GPC5: variants seen among roughly 807,000 people sequenced by gnomAD.
GPC5 encodes the protein glypican-5.
A neutral mutation model predicts 53.9 loss-of-function variants in GPC5; 47 were observed. That is an observed-to-expected ratio of 0.87 (90% CI 0.69 to 1.11). GPC5 has a LOEUF of 1.11. GPC5 is among the 50% of genes most tolerant of loss of function. The pLI is 0.00. For missense variants in GPC5, 748 were observed against 713.1 expected (o/e 1.05, Z -0.56); for synonymous variants, 286 against 263.3 (o/e 1.09, Z -0.84).
chr13:91,879,522 G>T (rs1172760842), intron 5 of GPC5, among the ~76,000 whole-genome samples: 1 of 152,134 alleles, frequency 6.6e-6, no homozygotes, highest in Non-Finnish European at 1.5e-5. Flanking sequence ...GAAAATCTGT[G>T]TTCTGGTTCA....
At chr13:92,481,366 G>A (rs751805032) in intron 7 of GPC5, among the ~76,000 whole-genome samples, 3 of 152,156 alleles carry the variant, frequency 2.0e-5, no homozygotes, top group Non-Finnish European at 4.4e-5. Flanking sequence ...CTCCCAAAGT[G>A]CTGGGATTGC....
chr13:92,699,569 C>T (rs533383455), intron 7 of GPC5, among the ~76,000 whole-genome samples: 2 of 152,258 alleles, frequency 1.3e-5, no homozygotes, highest in East Asian at 3.9e-4. Context: ...GCATTTAGTA[C>T]TATAAATTTC....
chr13:92,456,326 C>A (rs1170436139), intron 7 of GPC5, among the ~76,000 whole-genome samples: 2 of 152,200 alleles, frequency 1.3e-5, no homozygotes, highest in African/African-American at 2.4e-5. Context: ...CTTGAATATA[C>A]AACAGGTGGC....
intron 7 of GPC5, among the ~76,000 whole-genome samples, chr13:92,569,977 C>T (rs1287923268): frequency 1.3e-5 from 2 of 152,072 alleles, no homozygotes; most frequent in African/African-American, 4.8e-5. Flanking sequence ...TTCTTGTCCT[C>T]GTTTGAGCTA....
chr13:91,691,085 G>A (rs466165), intron 2 of GPC5, among the ~76,000 whole-genome samples: 31,562 of 152,140 alleles, frequency 0.21, 4,159 homozygotes, highest in African/African-American at 0.37. Flanking sequence ...TCAAGCCACA[G>A]AGATTCAATT....
At chr13:92,052,505 T>G (rs2041038788) in intron 6 of GPC5, among the ~76,000 whole-genome samples, 1 of 152,210 alleles carries the variant, frequency 6.6e-6, no homozygotes, top group South Asian at 2.1e-4. Context: ...CATGTCCTGC[T>G]GGTTGGTCCA....
chr13:92,324,969 T>A (rs907063336), intron 7 of GPC5, among the ~76,000 whole-genome samples: 2 of 151,910 alleles, frequency 1.3e-5, no homozygotes, highest in Admixed American at 6.6e-5. Context: ...GAGAGCATGA[T>A]TACATCATTT....
intron 7 of GPC5, among the ~76,000 whole-genome samples, chr13:92,838,259 C>A (rs1230197508): frequency 4.0e-5 from 6 of 151,694 alleles, no homozygotes; most frequent in Admixed American, 1.3e-4. Context: ...CCGCGGAGGG[C>A]GGATCACGAG....
intron 5 of GPC5, among the ~76,000 whole-genome samples, chr13:91,823,751 A>G (rs2138839370): frequency 6.6e-6 from 1 of 152,246 alleles, no homozygotes; most frequent in South Asian, 2.1e-4. Flanking sequence ...GTAAGATCCA[A>G]TGTCATAATC....
chr13:91,628,719 AAG>A, intron 2 of GPC5, among the ~76,000 whole-genome samples: 1 of 152,176 alleles, frequency 6.6e-6, no homozygotes, highest in African/African-American at 2.4e-5. Flanking sequence ...AAATAACAAT[AAG>A]ATAATAACTA....
At chr13:92,358,409 A>T (rs1297177798) in intron 7 of GPC5, among the ~76,000 whole-genome samples, 2 of 151,602 alleles carry the variant, frequency 1.3e-5, no homozygotes, top group Admixed American at 1.3e-4. Context: ...AAGCTGTTGG[A>T]TCTACTATTC....
At position 92,814,633 on chromosome 13, in the gene GPC5, C is replaced by T. The variant is rs141580113; in HGVS notation, c.1562-51649C>T. On this transcript the variant is annotated intron_variant, in intron 7 of 7. Coordinates refer to ENST00000377067, the MANE Select transcript of GPC5 (RefSeq NM_004466.6). ...CCGAGATCGTGCCATTGCACTCCAG[C>T]CAGGGTGACAGAACAAGACTCTGTC... Among the ~76,000 whole-genome samples the T allele has an allele frequency of 7.3e-3, 1,095 of 150,498 alleles. 26 individuals are homozygous for T. Among genetic ancestry groups the T allele is most frequent in the African/African-American group, 0.026 (1,039 of 40,732 alleles).
intron 7 of GPC5, among the ~76,000 whole-genome samples, chr13:92,381,860 TATATATA>T (rs2043744014): frequency 4.8e-5 from 3 of 62,720 alleles, no homozygotes; most frequent in Non-Finnish European, 1.1e-4. Context: ...CATATATGAT[TATATATA>T]TCATATATAT....
rs114142951 is a variant in GPC5, at chr13:92,490,660, G to A, written c.1561+345671G>A. On this transcript the variant is annotated intron_variant, in intron 7 of 7. Transcript: ENST00000377067. ...TATATAAAAGATATAAAAGTGTTTT[G>A]TAAATTTTAAAGTGTTTTTCACCTC... is the stretch of plus-strand genomic sequence containing the variant. 8.2e-3 allele frequency among the ~76,000 whole-genome samples: 1,248 copies of A among 152,160 alleles called. 19 individuals are homozygous for A. Among genetic ancestry groups the A allele is most frequent in the African/African-American group, 0.028 (1,171 of 41,546 alleles).
chr13:92,001,034 G>T (rs2138753167), intron 6 of GPC5, among the ~76,000 whole-genome samples: 1 of 152,228 alleles, frequency 6.6e-6, no homozygotes, highest in Non-Finnish European at 1.5e-5. Flanking sequence ...GCCACAAACT[G>T]TACTTTAAGT....
intron 7 of GPC5, among the ~76,000 whole-genome samples, chr13:92,383,852 CCAATAGTAACT>C (rs1261713740): frequency 6.6e-6 from 1 of 151,974 alleles, no homozygotes; most frequent in Non-Finnish European, 1.5e-5. Context: ...TGCAGAAATA[CCAATAGTAACT>C]CTAAGAATGC....
chr13:91,513,621 G>A (rs56393333), intron 2 of GPC5, among the ~76,000 whole-genome samples: 2,205 of 152,140 alleles, frequency 0.014, 29 homozygotes, highest in Non-Finnish European at 0.022. Context: ...TGTGCCTGTG[G>A]TCCCAGCTGC....
intron 7 of GPC5, among the ~76,000 whole-genome samples, chr13:92,175,911 A>T (rs753712342): frequency 9.9e-5 from 15 of 152,226 alleles, no homozygotes; most frequent in Non-Finnish European, 1.6e-4. Flanking sequence ...AGAATCTCAG[A>T]TACAGAATCC....
intron 7 of GPC5, among the ~76,000 whole-genome samples, chr13:92,607,278 C>T (rs1295626224): frequency 1.3e-5 from 2 of 152,028 alleles, no homozygotes; most frequent in Non-Finnish European, 2.9e-5. Flanking sequence ...TCCCCAAGAC[C>T]AGCTCAATTA....
Sources: gnomAD v4.1 joint callset for allele counts (sites outside exome capture counted in the v4.1 genomes callset) on GRCh38, gnomAD v4.1.1 for gene constraint, MANE v1.5 for transcripts, NCBI Gene and HGNC (gene_info 2026-07-23, HGNC 2026-07-21) for gene names.